GLIS3: variants seen among roughly 807,000 people sequenced by gnomAD.
GLIS3 encodes zinc finger protein GLIS3.
In GLIS3, 53 loss-of-function variants were observed where a neutral mutation model predicts 78.6. That is an observed-to-expected ratio of 0.67 (90% CI 0.54 to 0.85). The LOEUF (loss-of-function observed/expected upper bound fraction) is 0.85. GLIS3 is among the 40% of genes least tolerant of loss of function. The probability of loss-of-function intolerance (pLI) is 0.00; values close to 1 mark genes in which losing one functional copy is unlikely to be tolerated. For missense variants in GLIS3, 1,703 were observed against 1,231.1 expected, an observed-to-expected ratio of 1.38 and a Z score of -5.74; for synonymous variants, 684 against 509.9, an observed-to-expected ratio of 1.34 and a Z score of -4.60.
At chr9:4,384,371 A>C in the GLIS3 span, among the ~76,000 whole-genome samples, 39 of 152,096 alleles carry the variant, frequency 2.6e-4, no homozygotes, top group African/African-American at 9.4e-4. Context: ...GAAATTCCAA[A>C]TGAAGATAAA....
chr9:4,478,594 G>A, the GLIS3 span, among the ~76,000 whole-genome samples: 1 of 147,838 alleles, frequency 6.8e-6, no homozygotes, highest in Non-Finnish European at 1.5e-5. Flanking sequence ...CTGGGCGACA[G>A]AGATTCCATC....
chr9:4,040,915 G>T (rs186435272), intron 4 of GLIS3, among the ~76,000 whole-genome samples: 7 of 152,284 alleles, frequency 4.6e-5, no homozygotes, highest in African/African-American at 1.7e-4. Flanking sequence ...TTGGAAACTT[G>T]TTTGAAATAC....
chr9:4,113,881 A>T (rs1336501248), intron 4 of GLIS3, among the ~76,000 whole-genome samples: 1 of 152,222 alleles, frequency 6.6e-6, no homozygotes, highest in African/African-American at 2.4e-5. Flanking sequence ...AAATGAGTCA[A>T]TTCATACAAA....
rs76854585 is a variant in GLIS3, at chr9:3,862,763, C to T, written c.2298-6579G>A. On this transcript the variant is annotated intron_variant, in intron 8 of 10. Coordinates refer to ENST00000381971, the MANE Select transcript of GLIS3 (RefSeq NM_001042413.2). ...GATAGTTTTTCTTTCCCTCCGCCCC[C>T]CGTCTCTTCCACGGCGGCTACAGAC... 2.7e-3 allele frequency among the ~76,000 whole-genome samples: 410 copies of T among 152,186 alleles called. 2 individuals are homozygous for T. The highest frequency in any genetic ancestry group is 9.6e-3 in the African/African-American group (397 of 41,526).
the GLIS3 span, among the ~76,000 whole-genome samples, chr9:4,364,591 G>C: frequency 2.5e-3 from 376 of 151,660 alleles, 2 homozygotes; most frequent in African/African-American, 8.5e-3. Flanking sequence ...TGTCTATGTA[G>C]GCATAGAAAA....
chr9:4,246,340 A>G (rs1330600962), intron 2 of GLIS3, among the ~76,000 whole-genome samples: 1 of 152,244 alleles, frequency 6.6e-6, no homozygotes, highest in African/African-American at 2.4e-5. Flanking sequence ...AAATCAACTT[A>G]TATGAAGTTA....
rs1443505574 is a variant in GLIS3 at position 4,118,870 on chromosome 9, G to A, written c.608C>T (p.Ser203Leu). ...IPPSDTRSLI[S>L]RESLASTTLS... ...GGTCGTGGACGCCAAAGACTCACGC[G>A]AAATAAGGGACCTGGAACAGCAGCC... is the stretch of plus-strand genomic sequence containing the variant. The change falls in exon 4 of 11, where the codon TCG becomes TTG. Residue 203 changes from serine (S) to leucine (L), a missense_variant. Ser to Leu is a moderately radical substitution (Grantham distance 145). Coordinates refer to ENST00000381971, the MANE Select transcript of GLIS3 (RefSeq NM_001042413.2). This position sits in a 1 kb window ranked among gnomAD's most constrained non-coding sequence, Gnocchi z 4.7. 7.5e-6 allele frequency: 12 copies of A among 1,600,894 alleles called. No homozygotes were observed. The highest frequency in any genetic ancestry group is 2.2e-5 in the South Asian group (2 of 91,066).
At chr9:3,845,550 T>C (rs1436307405) in intron 9 of GLIS3, among the ~76,000 whole-genome samples, 1 of 152,218 alleles carries the variant, frequency 6.6e-6, no homozygotes, top group Non-Finnish European at 1.5e-5. Context: ...GGAAAATTTT[T>C]CTTTTATAAT....
rs193178286 is a variant in GLIS3 at position 4,160,738 on chromosome 9, C to T, written c.389-34797G>A. On this transcript the variant is annotated intron_variant, in intron 2 of 10. Transcript: ENST00000381971. ...TAATGTAATTCTAACGAACTCTGTA[C>T]TTTCCAACCTATTCTATAGCCAAGT... Among the ~76,000 whole-genome samples, 978 of 152,324 alleles carry T rather than the reference C, an allele frequency of 6.4e-3. 8 individuals carry two copies. Among genetic ancestry groups the T allele is most frequent in the Admixed American group, 0.01 (158 of 15,306 alleles).
intron 4 of GLIS3, among the ~76,000 whole-genome samples, chr9:4,104,714 G>T (rs2130815179): frequency 6.6e-6 from 1 of 152,198 alleles, no homozygotes; most frequent in East Asian, 1.9e-4. Flanking sequence ...GAACACACTT[G>T]GCCAACACTC....
At chr9:4,383,839 G>A in the GLIS3 span, among the ~76,000 whole-genome samples, 94 of 152,272 alleles carry the variant, frequency 6.2e-4, no homozygotes, top group Admixed American at 3.3e-3. Flanking sequence ...TAAGAGGGAG[G>A]TATTGAATGG....
intron 4 of GLIS3, among the ~76,000 whole-genome samples, chr9:3,950,616 G>A (rs758736870): frequency 6.6e-6 from 1 of 152,178 alleles, no homozygotes; most frequent in South Asian, 2.1e-4. Flanking sequence ...CAGCTTAGTT[G>A]AAATATTTCT....
At chr9:4,207,594 C>T (rs945836754) in intron 2 of GLIS3, among the ~76,000 whole-genome samples, 4 of 152,148 alleles carry the variant, frequency 2.6e-5, no homozygotes, top group Admixed American at 6.5e-5. Flanking sequence ...ATAGTAAGAT[C>T]TTCACAGACA....
intron 2 of GLIS3, among the ~76,000 whole-genome samples, chr9:4,239,865 G>A (rs1772606695): frequency 6.6e-6 from 1 of 152,186 alleles, no homozygotes; most frequent in Non-Finnish European, 1.5e-5. Context: ...GTTTGCAAAT[G>A]GCACTTTGTA....
the GLIS3 span, among the ~76,000 whole-genome samples, chr9:4,377,769 T>C: frequency 6.6e-6 from 1 of 152,296 alleles, no homozygotes; most frequent in African/African-American, 2.4e-5. Context: ...AAGCTAGCAA[T>C]AATCTGAAAG....
the GLIS3 span, among the ~76,000 whole-genome samples, chr9:4,429,857 G>A: frequency 6.6e-6 from 1 of 151,912 alleles, no homozygotes; most frequent in Non-Finnish European, 1.5e-5. Flanking sequence ...AACTAAAGCG[G>A]GTTTTTCATG....
At chr9:4,479,673 G>T in the GLIS3 span, among the ~76,000 whole-genome samples, 1 of 152,106 alleles carries the variant, frequency 6.6e-6, no homozygotes, top group Non-Finnish European at 1.5e-5. Context: ...TGGCCACACT[G>T]CCTTGCTGTG....
At chr9:3,890,446 A>G (rs1822353393) in intron 7 of GLIS3, among the ~76,000 whole-genome samples, 1 of 152,174 alleles carries the variant, frequency 6.6e-6, no homozygotes, top group African/African-American at 2.4e-5. Flanking sequence ...GGTTCTATTC[A>G]CTGCCACAGA....
intron 4 of GLIS3, among the ~76,000 whole-genome samples, chr9:4,087,476 T>C (rs1354545382): frequency 6.6e-6 from 1 of 152,188 alleles, no homozygotes; most frequent in Non-Finnish European, 1.5e-5. Context: ...AATTTCCTGA[T>C]AGATCTAAGG....
Sources: allele counts gnomAD v4.1 joint callset (sites outside exome capture counted in the v4.1 genomes callset), GRCh38; gene constraint gnomAD v4.1.1; non-coding constraint Gnocchi (gnomAD v3.1); transcripts MANE v1.5; gene names NCBI Gene and HGNC (gene_info 2026-07-23, HGNC 2026-07-21).